ROBO2: variants seen among roughly 807,000 people sequenced by gnomAD.
The protein encoded by ROBO2 is roundabout guidance receptor 2, also known as roundabout homolog 2.
In ROBO2, 53 loss-of-function variants were observed where a neutral mutation model predicts 160.8. That is an observed-to-expected ratio of 0.33 (90% CI 0.26 to 0.41). ROBO2 has a LOEUF of 0.41. Ranked by LOEUF, ROBO2 falls within the 10% of genes least tolerant of loss-of-function variation. The probability of loss-of-function intolerance (pLI) is 1.00; values close to 1 mark genes in which losing one functional copy is unlikely to be tolerated. For missense variants in ROBO2, 1,577 were observed against 1,722.4 expected, an observed-to-expected ratio of 0.92 and a Z score of 1.49; for synonymous variants, 664 against 611.7, an observed-to-expected ratio of 1.09 and a Z score of -1.26.
chr3:76,330,141 G>T (rs1209404248), intron 2 of ROBO2, among the ~76,000 whole-genome samples: 1 of 152,118 alleles, frequency 6.6e-6, no homozygotes, highest in Non-Finnish European at 1.5e-5. Flanking sequence ...ACCAAATAAA[G>T]TAGGTTTTCT....
intron 2 of ROBO2, among the ~76,000 whole-genome samples, chr3:77,285,428 T>A (rs1388171966): frequency 6.6e-6 from 1 of 152,222 alleles, no homozygotes; most frequent in African/African-American, 2.4e-5. Context: ...TACCTCGTCC[T>A]CTCACTTACA....
chr3:77,084,107 T>C (rs1379694032), intron 1 of ROBO2, among the ~76,000 whole-genome samples: 1 of 152,120 alleles, frequency 6.6e-6, no homozygotes, highest in Admixed American at 6.6e-5. Flanking sequence ...TTCACTAGTT[T>C]ACATAAAACT....
intron 2 of ROBO2, among the ~76,000 whole-genome samples, chr3:77,108,227 T>G (rs1242856686): frequency 6.7e-6 from 1 of 148,300 alleles, no homozygotes; most frequent in African/African-American, 2.5e-5. Flanking sequence ...TATACACATA[T>G]GCATATATAT....
chr3:77,435,178 G>GATA (rs1008725181), intron 2 of ROBO2, among the ~76,000 whole-genome samples: 10 of 151,756 alleles, frequency 6.6e-5, no homozygotes, highest in African/African-American at 2.4e-4. Context: ...TGTTGATATA[G>GATA]ATAACATAAG....
chr3:76,223,715 G>T (rs72630382), intron 2 of ROBO2, among the ~76,000 whole-genome samples: 1 of 152,016 alleles, frequency 6.6e-6, no homozygotes, highest in South Asian at 2.1e-4. Context: ...CGCTACAGGA[G>T]ATAAGGCTCT....
chr3:76,796,232 G>A (rs1453320753), intron 2 of ROBO2, among the ~76,000 whole-genome samples: 1 of 152,018 alleles, frequency 6.6e-6, no homozygotes, highest in Admixed American at 6.6e-5. Context: ...AGCTATGAGA[G>A]TCTTAGGTGG....
chr3:76,452,833 C>T (rs1310447242), intron 2 of ROBO2, among the ~76,000 whole-genome samples: 1 of 152,040 alleles, frequency 6.6e-6, no homozygotes, highest in Non-Finnish European at 1.5e-5. Context: ...CTCTCCAGCA[C>T]CTGTTGTTTC....
intron 2 of ROBO2, among the ~76,000 whole-genome samples, chr3:76,395,049 A>C (rs1327497468): frequency 6.6e-6 from 1 of 152,172 alleles, no homozygotes; most frequent in South Asian, 2.1e-4. Context: ...CACCACACCT[A>C]TTCCAACATT....
At chr3:76,951,951 C>T (rs2078983206) in intron 2 of ROBO2, among the ~76,000 whole-genome samples, 1 of 152,328 alleles carries the variant, frequency 6.6e-6, no homozygotes, top group South Asian at 2.1e-4. Flanking sequence ...GAGAGCCCTT[C>T]CCCAGCTTTG....
chr3:76,995,080 C>A (rs2060911984), intron 2 of ROBO2, among the ~76,000 whole-genome samples: 1 of 150,542 alleles, frequency 6.6e-6, no homozygotes, highest in African/African-American at 2.5e-5. Flanking sequence ...GGTATTTCTC[C>A]TAATGCTATC....
At chr3:77,610,762 A>AT (rs1362554955) in intron 21 of ROBO2, among the ~76,000 whole-genome samples, 1 of 149,494 alleles carries the variant, frequency 6.7e-6, no homozygotes, top group African/African-American at 2.4e-5. Context: ...AAAAAAAAAA[A>AT]AAAAAGAAAA....
At chr3:76,226,820 A>G (rs1381226254) in intron 2 of ROBO2, among the ~76,000 whole-genome samples, 4 of 152,174 alleles carry the variant, frequency 2.6e-5, no homozygotes, top group African/African-American at 4.8e-5. Flanking sequence ...GCATGTTTCT[A>G]TAGCATTAGG....
At chr3:76,631,360 C>T (rs77677123) in intron 2 of ROBO2, among the ~76,000 whole-genome samples, 2 of 151,862 alleles carry the variant, frequency 1.3e-5, no homozygotes, top group Non-Finnish European at 2.9e-5. Context: ...ATGCGGGAGC[C>T]TCTGGTAAAG....
intron 2 of ROBO2, among the ~76,000 whole-genome samples, chr3:76,228,565 A>G (rs988935222): frequency 2.6e-5 from 4 of 152,224 alleles, no homozygotes; most frequent in Admixed American, 2.0e-4. Context: ...ATTCATATTC[A>G]TAAAAGAACA....
intron 2 of ROBO2, among the ~76,000 whole-genome samples, chr3:77,246,774 T>C (rs907532939): frequency 1.3e-5 from 2 of 152,204 alleles, no homozygotes; most frequent in Admixed American, 6.5e-5. Flanking sequence ...TTGTGGACAA[T>C]GATTTTAATT....
chr3:77,442,010 G>A (rs1228412700), intron 2 of ROBO2, among the ~76,000 whole-genome samples: 1 of 152,012 alleles, frequency 6.6e-6, no homozygotes, highest in East Asian at 1.9e-4. Context: ...AGTTAAAATG[G>A]AACAATAATA....
chr3:77,329,311 T>C (rs560718650), intron 2 of ROBO2, among the ~76,000 whole-genome samples: 2 of 152,328 alleles, frequency 1.3e-5, no homozygotes, highest in South Asian at 2.1e-4. Flanking sequence ...AAGGCAAGAA[T>C]TGGCAGAACT....
At chr3:77,352,426 C>T (rs2153459449) in intron 2 of ROBO2, among the ~76,000 whole-genome samples, 1 of 152,206 alleles carries the variant, frequency 6.6e-6, no homozygotes, top group African/African-American at 2.4e-5. Flanking sequence ...ACAGCAGCAT[C>T]AGCCCAGAGA....
intron 2 of ROBO2, among the ~76,000 whole-genome samples, chr3:77,349,017 T>TC (rs2068003312): frequency 6.6e-6 from 1 of 152,138 alleles, no homozygotes; most frequent in African/African-American, 2.4e-5. Flanking sequence ...GGTTTTGTAT[T>TC]CCTGTTTCCT....
Sources: gnomAD v4.1 joint callset for allele counts (sites outside exome capture counted in the v4.1 genomes callset) on GRCh38, gnomAD v4.1.1 for gene constraint, MANE v1.5 for transcripts, NCBI Gene and HGNC (gene_info 2026-07-23, HGNC 2026-07-21) for gene names.